The following NR5A2 variants were observed in gnomAD, a reference collection of about 807,000 sequenced individuals.
The protein encoded by NR5A2 is nuclear receptor subfamily 5 group A member 2, also known as CYP7A promoter-binding factor.
A neutral mutation model predicts 62.7 loss-of-function variants in NR5A2; 26 were observed. That is an observed-to-expected ratio of 0.41 (90% CI 0.30 to 0.58). The LOEUF is 0.58. NR5A2 is among the 20% of genes least tolerant of loss of function. The pLI is 0.22. For missense variants in NR5A2, 541 were observed against 669.1 expected, an observed-to-expected ratio of 0.81 and a Z score of 2.11; for synonymous variants, 246 against 241.7, an observed-to-expected ratio of 1.02 and a Z score of -0.16.
At chr1:200,057,064 G>A (rs1662946877) in intron 5 of NR5A2, among the ~76,000 whole-genome samples, 3 of 152,174 alleles carry the variant, frequency 2.0e-5, no homozygotes, top group Non-Finnish European at 2.9e-5. Context: ...AGTTTCCTAC[G>A]ATGACCTTCT....
chr1:200,147,391 A>G lies in NR5A2; in HGVS notation c.1378+26436A>G. 2 of 378,900 alleles carry G rather than the reference A, an allele frequency of 5.3e-6. No homozygotes were observed. Among genetic ancestry groups the G allele is most frequent in the South Asian group, 4.7e-5 (2 of 42,906 alleles). The allele number at this position is 378,900 out of a possible 1,614,324, so 23.5% of individuals were successfully genotyped here. On this transcript the variant is annotated intron_variant, in intron 7 of 7. Coordinates refer to ENST00000367362, the MANE Select transcript of NR5A2 (RefSeq NM_205860.3). The surrounding 1 kb of genome is among the most constrained non-coding windows in gnomAD (Gnocchi z 4.9). Reference sequence around the variant, plus strand: ...CCCAGGCCACCTTAGTTCCTCTCGGAGTCTGTATGGGTCTGGGCGAGATGC... The same window carrying G: ...CCCAGGCCACCTTAGTTCCTCTCGGGGTCTGTATGGGTCTGGGCGAGATGC...
At chr1:200,166,679 C>G (rs1322990330) in intron 7 of NR5A2, among the ~76,000 whole-genome samples, 5 of 152,082 alleles carry the variant, frequency 3.3e-5, no homozygotes, top group African/African-American at 4.8e-5. Flanking sequence ...CTGCTCCGCC[C>G]GAGGGAAGTC....
In NR5A2 at chr1:200,147,201, G is replaced by C. The variant is rs1385583411; in HGVS notation, c.1378+26246G>C. 6.6e-6 allele frequency among the ~76,000 whole-genome samples: 1 copy of C among 152,206 alleles called. No homozygotes were observed. The highest frequency in any genetic ancestry group is 1.5e-5 in the Non-Finnish European group (1 of 68,032). ...AAGCAATTGTTTCACGCAAAAAATA[G>C]AGGGGGGCACCTCGCTGAAGCCAGC... On this transcript the variant is annotated intron_variant, in intron 7 of 7. Transcript: ENST00000367362. This position sits in a 1 kb window ranked among gnomAD's most constrained non-coding sequence, Gnocchi z 4.9.
At chr1:200,089,406 C>T (rs1410644130) in intron 5 of NR5A2, among the ~76,000 whole-genome samples, 2 of 152,126 alleles carry the variant, frequency 1.3e-5, no homozygotes, top group Non-Finnish European at 2.9e-5. Context: ...AGTGATCCGC[C>T]TCAGCCTCCC....
intron 7 of NR5A2, among the ~76,000 whole-genome samples, chr1:200,146,734 G>T (rs1168581313): frequency 6.6e-6 from 1 of 152,044 alleles, no homozygotes; most frequent in African/African-American, 2.4e-5. Context: ...CAAAATTAAT[G>T]AACAAATTAC....
intron 3 of NR5A2, chr1:200,044,432 TATA>T (rs1327641936): frequency 2.0e-5 from 3 of 152,062 alleles, no homozygotes; most frequent in East Asian, 1.9e-4. Flanking sequence ...TAGTTTTTAA[TATA>T]ATAATTTTTA....
chr1:200,105,773 G>A (rs1284057391), intron 5 of NR5A2, among the ~76,000 whole-genome samples: 2 of 152,030 alleles, frequency 1.3e-5, no homozygotes, highest in East Asian at 1.9e-4. Flanking sequence ...GCAACATAGT[G>A]AGAACTCGTC....
chr1:200,099,692 C>T (rs910097528), intron 5 of NR5A2, among the ~76,000 whole-genome samples: 4 of 152,158 alleles, frequency 2.6e-5, no homozygotes, highest in African/African-American at 9.7e-5. Context: ...CTCCCAGGTT[C>T]AAGTGATTCT....
At chr1:200,139,760 ATTTG>A (rs2102342675) in intron 7 of NR5A2, among the ~76,000 whole-genome samples, 1 of 152,342 alleles carries the variant, frequency 6.6e-6, no homozygotes, top group East Asian at 1.9e-4. Context: ...CCATAGTTGT[ATTTG>A]TGGAAGTTTT....
At chr1:200,058,822 A>T (rs1663051393) in intron 5 of NR5A2, among the ~76,000 whole-genome samples, 2 of 142,726 alleles carry the variant, frequency 1.4e-5, no homozygotes, top group South Asian at 4.5e-4. Context: ...ATATTAGAGG[A>T]GGCCCAGACA....
At chr1:200,136,048 C>T (rs148522500) in intron 7 of NR5A2, among the ~76,000 whole-genome samples, 10 of 152,236 alleles carry the variant, frequency 6.6e-5, no homozygotes, top group African/African-American at 1.2e-4. Context: ...AGACTCAAGC[C>T]GCTTCACTTT....
At chr1:200,072,251 A>AT (rs3838445) in intron 5 of NR5A2, among the ~76,000 whole-genome samples, 2,981 of 152,262 alleles carry the variant, frequency 0.02, 41 homozygotes, top group East Asian at 0.05. Context: ...CCAGCAAGCA[A>AT]TTTTTTATGG....
At chr1:200,068,660 C>T (rs529302034) in intron 5 of NR5A2, among the ~76,000 whole-genome samples, 288 of 152,242 alleles carry the variant, frequency 1.9e-3, no homozygotes, top group Non-Finnish European at 3.3e-3. Context: ...AACATTAGAC[C>T]TGGAGCATAC....
chr1:200,157,655 T>A (rs1653451721), intron 7 of NR5A2, among the ~76,000 whole-genome samples: 1 of 152,218 alleles, frequency 6.6e-6, no homozygotes, highest in South Asian at 2.1e-4. Context: ...CAAATACATA[T>A]CCCTGAGCAA....
intron 5 of NR5A2, among the ~76,000 whole-genome samples, chr1:200,080,835 CT>C (rs1321321645): frequency 6.6e-6 from 1 of 152,174 alleles, no homozygotes; most frequent in Admixed American, 6.6e-5. Context: ...ATTGCAAATA[CT>C]TTTCACATAT....
At chr1:200,029,034 T>C (rs756637156) in intron 1 of NR5A2, 162 of 441,650 alleles carry the variant, frequency 3.7e-4, no homozygotes, top group Admixed American at 1.2e-4. Flanking sequence ...GTTCTGCAGA[T>C]AACACAGAAA....
intron 5 of NR5A2, among the ~76,000 whole-genome samples, chr1:200,052,843 T>G (rs540849212): frequency 6.6e-6 from 1 of 152,092 alleles, no homozygotes; most frequent in African/African-American, 2.4e-5. Context: ...TGTTTCACCG[T>G]GTTAGCCAGG....
chr1:200,164,317 T>A (rs907353840), intron 7 of NR5A2, among the ~76,000 whole-genome samples: 2 of 152,200 alleles, frequency 1.3e-5, no homozygotes, highest in African/African-American at 4.8e-5. Flanking sequence ...TACAGAATTC[T>A]GGATTATGAT....
At position 200,135,121 on chromosome 1, in the gene NR5A2, A is replaced by G. The variant is rs201610936; in HGVS notation, c.1378+14166A>G. On this transcript the variant is annotated intron_variant, in intron 7 of 7. Transcript: ENST00000367362. ...GCATGGCTAACGTGCTCATGACCAC[A>G]CAGCTAGGCATCTGAGAGAGCCCAT... Among the ~76,000 whole-genome samples the G allele has an allele frequency of 5.9e-5, 9 of 152,370 alleles. No individual in the cohort carries two copies. The East Asian group carries it at 1.5e-3, about 26-fold the overall frequency.
Sources: allele counts gnomAD v4.1 joint callset (sites outside exome capture counted in the v4.1 genomes callset), GRCh38; gene constraint gnomAD v4.1.1; non-coding constraint Gnocchi (gnomAD v3.1); transcripts MANE v1.5; gene names NCBI Gene and HGNC (gene_info 2026-07-23, HGNC 2026-07-21).